AMPD1: variants seen among roughly 807,000 people sequenced by gnomAD.
AMPD1 encodes the protein adenosine monophosphate deaminase 1.
AMPD1 carries 74 observed loss-of-function variants against 82.9 expected under a neutral mutation model. That is an observed-to-expected ratio of 0.89 (90% confidence interval 0.74 to 1.08). AMPD1 has a LOEUF of 1.08. Among genes scored for constraint, AMPD1 ranks in the 50% least tolerant of loss-of-function variants. The probability of loss-of-function intolerance (pLI) is 0.00; values close to 1 mark genes in which losing one functional copy is unlikely to be tolerated. For synonymous variants in AMPD1, 333 were observed against 320.5 expected, an observed-to-expected ratio of 1.04 and a Z score of -0.42; for missense variants, 881 against 924.5, an observed-to-expected ratio of 0.95 and a Z score of 0.61.
chr1:114,694,203 G>A (rs905950530), intron 1 of AMPD1, among the ~76,000 whole-genome samples: 6 of 151,772 alleles, frequency 4.0e-5, no homozygotes, highest in East Asian at 3.9e-4. Context: ...GTGACAGAGC[G>A]AGACTCTGTC....
chr1:114,680,978 A>G (rs1460476356), intron 5 of AMPD1, among the ~76,000 whole-genome samples: 1 of 152,220 alleles, frequency 6.6e-6, no homozygotes, highest in Non-Finnish European at 1.5e-5. Context: ...AAAAAAAAGA[A>G]AAATAAAATA....
Position 114,677,968 on chromosome 1 carries a change from T to A in AMPD1, c.1166A>T (p.Asp389Val). The change falls in exon 9 of 16, where the codon GAC (aspartate) becomes GTC (valine). Residue 389 changes from aspartate to valine, a missense_variant. Asp to Val is a radical substitution (Grantham distance 152, BLOSUM62 -3). This residue lies in a region of AMPD1 where 783 missense variants were observed against 786.4 expected (regional missense o/e 1.00). Transcript: ENST00000520113. The part of the protein sequence containing the change: ...YNPVGASELR[D>V]LYLKTDNYIN... ...GTAATTGTCTGTCTTCAAGTAGAGGTCCCGTAGCTCACTTGCTCCTACAGG... is the reference window on the plus strand; with the variant it reads ...GTAATTGTCTGTCTTCAAGTAGAGGACCCGTAGCTCACTTGCTCCTACAGG... 1 of 1,613,768 alleles carries A rather than the reference T, an allele frequency of 6.2e-7. No individual in the cohort carries two copies. Among genetic ancestry groups the A allele is most frequent in the Non-Finnish European group, 8.5e-7 (1 of 1,179,898 alleles).
chr1:114,690,688 C>T (rs1403656081), intron 2 of AMPD1, among the ~76,000 whole-genome samples: 3 of 152,082 alleles, frequency 2.0e-5, no homozygotes, highest in Admixed American at 6.6e-5. Flanking sequence ...TAAATGCATT[C>T]GATGGCCTGA....
chr1:114,693,527 G>C, intron 1 of AMPD1, 80 bp from the exon 2 acceptor site: 1 of 1,270,876 alleles, frequency 7.9e-7, no homozygotes. Flanking sequence ...ACTGCTTTGG[G>C]GTAGACACAT....
Position 114,677,363 on chromosome 1 carries a change from A to G in AMPD1, c.1376T>C (p.Val459Ala), listed in dbSNP as rs770328696. 1.2e-6 allele frequency: 2 copies of G among 1,609,930 alleles called. No homozygotes were observed. The highest frequency in any genetic ancestry group is 2.2e-5 in the South Asian group (2 of 90,732). Reference protein sequence around the residue: ...HCPNMTWMIQVPRIYDVFRSK... With the variant: ...HCPNMTWMIQAPRIYDVFRSK... ...GGCAGGTACATACTAGATCCTGGGA[A>G]CCTGGATCATCCATGTCATGTTGGG... Residue 459 changes from valine to alanine, a missense_variant, in exon 10 of 16, where the codon GTT becomes GCT. Physicochemically the swap from Val to Ala is moderately conservative, Grantham distance 64. Transcript: ENST00000520113.
At position 114,677,793 on chromosome 1, in the gene AMPD1, C is replaced by A. The variant is rs1658036977; in HGVS notation, c.1224+117G>T. 42 of 661,530 alleles carry A rather than the reference C, an allele frequency of 6.3e-5. 1 individual carries two copies. The highest frequency in any genetic ancestry group is 6.1e-4 in the South Asian group (41 of 67,490). The allele number at this position is 661,530 out of a possible 1,614,324, so 41.0% of individuals were successfully genotyped here. A position where few individuals can be genotyped will look rare whatever the true frequency, so the allele number is the denominator to read the frequency against. On this transcript the variant is annotated intron_variant, in intron 9 of 15. Coordinates refer to ENST00000520113, the MANE Select transcript of AMPD1 (RefSeq NM_000036.3). ...CCCTCCCTTCCTTCCTTCTTTCCCT[C>A]TCTCCCTCCTTCCTTCCTTCCTTCC... is the stretch of plus-strand genomic sequence containing the variant.
chr1:114,677,317 C>T, intron 10 of AMPD1, 34 bp downstream of exon 10: 1 of 1,610,318 alleles, frequency 6.2e-7, no homozygotes, highest in East Asian at 2.2e-5. Context: ...GAGACAAGGG[C>T]AGGCTCTAGA....
At chr1:114,695,135 C>T (rs533333054) in intron 1 of AMPD1, among the ~76,000 whole-genome samples, 3 of 152,092 alleles carry the variant, frequency 2.0e-5, no homozygotes, top group East Asian at 3.9e-4. Flanking sequence ...ATGTAGAAGC[C>T]GTCTCAGAGC....
chr1:114,686,604 T>C (rs772116169), intron 4 of AMPD1, 141 bp downstream of exon 4: 73 of 846,642 alleles, frequency 8.6e-5, no homozygotes, highest in Non-Finnish European at 1.3e-4. Context: ...CATATTAGTA[T>C]TGAAATGCAA....
intron 4 of AMPD1, 109 bp downstream of exon 4, chr1:114,686,636 A>G (rs1658325438): frequency 3.5e-6 from 4 of 1,127,816 alleles, no homozygotes; most frequent in Non-Finnish European, 5.3e-6. Flanking sequence ...AACAAAGGAC[A>G]GGTGAGCTAA....
chr1:114,693,212 TTA>T (rs1044736828), intron 2 of AMPD1, among the ~76,000 whole-genome samples: 10 of 147,644 alleles, frequency 6.8e-5, no homozygotes, highest in African/African-American at 1.7e-4. Context: ...TTATATATAA[TTA>T]TATATATATA....
chr1:114,691,207 T>C (rs1231857225), intron 2 of AMPD1, among the ~76,000 whole-genome samples: 1 of 152,158 alleles, frequency 6.6e-6, no homozygotes, highest in Non-Finnish European at 1.5e-5. Flanking sequence ...TGACTTCATG[T>C]AACCACAGCT....
chr1:114,683,981 C>T (rs1164991202), intron 5 of AMPD1, among the ~76,000 whole-genome samples: 1 of 151,966 alleles, frequency 6.6e-6, no homozygotes, highest in Non-Finnish European at 1.5e-5. Flanking sequence ...GAAGGATAAG[C>T]CTGAATGAGG....
chr1:114,693,797 T>G (rs953670330), intron 1 of AMPD1, among the ~76,000 whole-genome samples: 6 of 152,230 alleles, frequency 3.9e-5, no homozygotes, highest in Non-Finnish European at 8.8e-5. Context: ...AACAATTTAG[T>G]AACACCTACC....
chr1:114,694,429 A>G (rs187047966), intron 1 of AMPD1, among the ~76,000 whole-genome samples: 235 of 152,314 alleles, frequency 1.5e-3, no homozygotes, highest in African/African-American at 5.4e-3. Context: ...GTGCAATATA[A>G]TAACAGTGCC....
chr1:114,693,986 G>A (rs1658598948), intron 1 of AMPD1, among the ~76,000 whole-genome samples: 1 of 152,156 alleles, frequency 6.6e-6, no homozygotes, highest in African/African-American at 2.4e-5. Flanking sequence ...CAGATCATGA[G>A]GTCAGGAGAT....
In AMPD1 at chr1:114,675,635, G is replaced by A; in HGVS notation, c.1574C>T (p.Ser525Phe). The A allele has an allele frequency of 6.2e-7, 1 of 1,614,164 alleles. No individual in the cohort carries two copies. Among genetic ancestry groups the A allele is most frequent in the Non-Finnish European group, 8.5e-7 (1 of 1,180,018 alleles). Residue 525 changes from serine to phenylalanine, a missense_variant, in exon 12 of 16, where the codon TCC becomes TTC. Transcript: ENST00000520113. The part of the protein sequence containing the change: ...ESKHSGHMFS[S>F]KSPKPQEWTL... ...CCACTCCTGGGGCTTGGGACTCTTG[G>A]AGGAGAACATGTGGCCACTGTGTTT...
chr1:114,684,199 C>T lies in AMPD1; in HGVS notation c.547G>A (p.Val183Ile), dbSNP rs1268950587. 6.2e-7 allele frequency: 1 copy of T among 1,613,780 alleles called. No homozygotes were observed. The highest frequency in any genetic ancestry group is 1.3e-5 in the African/African-American group (1 of 74,866). Residue 183 changes from valine (V) to isoleucine (I), a missense_variant and splice_region_variant, in exon 5 of 16, where the codon GTC becomes ATC. Physicochemically the swap from Val to Ile is conservative, Grantham distance 29. Coordinates refer to ENST00000520113, the MANE Select transcript of AMPD1 (RefSeq NM_000036.3). ...ATACATTATGTAAGAGAATTGTTAC[C>T]TGGATAGAAGCTCTCATTTGCTACC... ...AWVANESFYP[V>I]FTPPVKKGED...
chr1:114,684,455 C>T, intron 4 of AMPD1, 91 bp from the exon 5 acceptor site: 1 of 1,375,318 alleles, frequency 7.3e-7, no homozygotes, highest in South Asian at 1.2e-5. Flanking sequence ...TCCCAGCTCT[C>T]CTGTGTATCG....
Sources: allele counts gnomAD v4.1 joint callset (sites outside exome capture counted in the v4.1 genomes callset), GRCh38; gene constraint gnomAD v4.1.1; regional missense constraint gnomAD v4.1.1; transcripts MANE v1.5; gene names NCBI Gene and HGNC (gene_info 2026-07-23, HGNC 2026-07-21).